POU3F3: variants seen among roughly 807,000 people sequenced by gnomAD.
The protein encoded by POU3F3 is POU class 3 homeobox 3.
In POU3F3, 1 loss-of-function variant was observed where a neutral mutation model predicts 8.6. That is an observed-to-expected ratio of 0.12 (90% CI 0.04 to 0.55). The LOEUF is 0.55. Ranked by LOEUF, POU3F3 falls within the 20% of genes least tolerant of loss-of-function variation. The pLI is 0.91. For synonymous variants in POU3F3, 418 were observed against 327.4 expected (o/e 1.28, Z -2.99); for missense variants, 577 against 690.7 (o/e 0.84, Z 1.84).
At chr2:104,872,180 G>T in the POU3F3 span, 1 of 452,576 alleles carries the variant, frequency 2.2e-6, no homozygotes, top group African/African-American at 2.0e-5. The surrounding 1 kb of genome is among the most constrained non-coding windows in gnomAD (Gnocchi z 4.6). Context: ...CCCTGCGCCC[G>T]CCGGCTGCGC....
the POU3F3 span, among the ~76,000 whole-genome samples, chr2:104,910,696 G>A: frequency 1.3e-5 from 2 of 152,082 alleles, no homozygotes; most frequent in African/African-American, 2.4e-5. Context: ...ATGGAAGAAT[G>A]GTTTCGAATT....
chr2:104,902,323 A>C, the POU3F3 span, among the ~76,000 whole-genome samples: 1 of 152,196 alleles, frequency 6.6e-6, no homozygotes, highest in African/African-American at 2.4e-5. Flanking sequence ...AAAACTGACC[A>C]GTGAAGAGGG....
chr2:104,922,064 A>T, the POU3F3 span, among the ~76,000 whole-genome samples: 1 of 152,340 alleles, frequency 6.6e-6, no homozygotes, highest in African/African-American at 2.4e-5. Context: ...GGATAGATGC[A>T]GGCCTTTAAA....
At chr2:104,893,284 C>T in the POU3F3 span, among the ~76,000 whole-genome samples, 1 of 152,276 alleles carries the variant, frequency 6.6e-6, no homozygotes, top group South Asian at 2.1e-4. Context: ...TGATGGATCC[C>T]TCGTCATTGG....
chr2:104,908,144 G>A, the POU3F3 span, among the ~76,000 whole-genome samples: 1 of 152,110 alleles, frequency 6.6e-6, no homozygotes, highest in Non-Finnish European at 1.5e-5. Flanking sequence ...TTCCTTCTGA[G>A]GTGAAGTCCA....
chr2:104,859,282 T>C (rs1186952378), downstream of POU3F3, among the ~76,000 whole-genome samples: 3 of 152,218 alleles, frequency 2.0e-5, no homozygotes, highest in African/African-American at 7.2e-5. Flanking sequence ...ATATCTTCTT[T>C]ACTGGTGCTG....
At chr2:104,863,021 G>A (rs999944802), downstream of POU3F3, among the ~76,000 whole-genome samples, 2 of 151,218 alleles carry the variant, frequency 1.3e-5, no homozygotes, top group Non-Finnish European at 2.9e-5. Context: ...TAATGGAGTT[G>A]TCTATCGGGG....
rs1005869845 is a variant in POU3F3, at chr2:104,855,290, G to A, written c.-221G>A. On this transcript the variant is annotated 5_prime_UTR_variant, in exon 1 of 1. Coordinates refer to ENST00000361360, the MANE Select transcript of POU3F3 (RefSeq NM_006236.3). ...GAGCGGCCTTGCAGCTGCAGCCGGG[G>A]GCCGCGGCGGCGGCGGCGGCGGCGG... Among the ~76,000 whole-genome samples the A allele has an allele frequency of 4.1e-5, 6 of 147,904 alleles. No individual in the cohort carries two copies. Among genetic ancestry groups the A allele is most frequent in the Admixed American group, 4.0e-4 (6 of 14,874 alleles).
At chr2:104,892,247 G>A in the POU3F3 span, among the ~76,000 whole-genome samples, 1 of 152,182 alleles carries the variant, frequency 6.6e-6, no homozygotes, top group Admixed American at 6.5e-5. Flanking sequence ...ATCACAGAGA[G>A]AGCAAGAGCA....
Position 104,855,024 on chromosome 2 carries a change from G to A in POU3F3, c.-487G>A, listed in dbSNP as rs1027960628. Among the ~76,000 whole-genome samples, 3 of 152,160 alleles carry A rather than the reference G, an allele frequency of 2.0e-5. No individual in the cohort carries two copies. The highest frequency in any genetic ancestry group is 6.5e-5 in the Admixed American group (1 of 15,288). On this transcript the variant is annotated 5_prime_UTR_variant, in exon 1 of 1. Transcript: ENST00000361360. ...AGAGTCCGGGCTCGCCCGAGGACAG[G>A]AGGAGGAGCGGGAGCCCGCGCGTCC...
the POU3F3 span, chr2:104,865,583 G>A: frequency 2.6e-5 from 4 of 152,168 alleles, no homozygotes; most frequent in Non-Finnish European, 5.9e-5. Context: ...TCCGCATAAG[G>A]CAAGCCCATT....
chr2:104,910,005 A>T, the POU3F3 span, among the ~76,000 whole-genome samples: 243 of 152,316 alleles, frequency 1.6e-3, 6 homozygotes, highest in East Asian at 0.04. Flanking sequence ...ATAAACAAGG[A>T]TAAAAAACGT....
Position 104,855,351 on chromosome 2 carries a change from GCGGCGGGGC to G in POU3F3, c.-151_-143del, listed in dbSNP as rs1352229056. ...GGCGGCGGAGGAGGAGGCGGCGAAGGCGGCGGGGCCGGCGGGGGCCCGGGGCGGGGGCGG... is the reference window on the plus strand; with the variant it reads ...GGCGGCGGAGGAGGAGGCGGCGAAGGCGGCGGGGGCCCGGGGCGGGGGCGG... On this transcript the variant is annotated 5_prime_UTR_variant, in exon 1 of 1. Coordinates refer to ENST00000361360, the MANE Select transcript of POU3F3 (RefSeq NM_006236.3). 7.1e-6 allele frequency among the ~76,000 whole-genome samples: 1 copy of G among 141,158 alleles called. No homozygotes were observed. Among genetic ancestry groups the G allele is most frequent in the Admixed American group, 6.9e-5 (1 of 14,390 alleles). 92.6% of individuals were successfully genotyped at this position (141,158 alleles called of 152,430 possible). A position where few individuals can be genotyped will look rare whatever the true frequency, so the allele number is the denominator to read the frequency against.
the POU3F3 span, among the ~76,000 whole-genome samples, chr2:104,895,269 T>C: frequency 2.0e-5 from 3 of 152,214 alleles, no homozygotes; most frequent in Non-Finnish European, 4.4e-5. Flanking sequence ...TCTTTTTAAA[T>C]CTTCACTACC....
At chr2:104,898,474 G>T in the POU3F3 span, among the ~76,000 whole-genome samples, 2 of 152,090 alleles carry the variant, frequency 1.3e-5, no homozygotes, top group Non-Finnish European at 2.9e-5. Flanking sequence ...AAGCTTAATG[G>T]CAATAATTAT....
chr2:104,881,846 C>T, the POU3F3 span, among the ~76,000 whole-genome samples: 2 of 152,166 alleles, frequency 1.3e-5, no homozygotes, highest in Non-Finnish European at 2.9e-5. Context: ...CTCCCTCGGC[C>T]TCAGACATGG....
the POU3F3 span, among the ~76,000 whole-genome samples, chr2:104,895,454 T>C: frequency 1.3e-5 from 2 of 152,200 alleles, no homozygotes; most frequent in East Asian, 3.9e-4. Flanking sequence ...TTCCGAAAAG[T>C]ACACTAAATT....
At chr2:104,865,884 C>T in the POU3F3 span, 1 of 152,120 alleles carries the variant, frequency 6.6e-6, no homozygotes, top group Non-Finnish European at 1.5e-5. Flanking sequence ...CACAGTATCA[C>T]CCAGAAACTA....
chr2:104,910,064 T>C, the POU3F3 span, among the ~76,000 whole-genome samples: 15 of 152,222 alleles, frequency 9.9e-5, no homozygotes, highest in African/African-American at 3.4e-4. Flanking sequence ...ATTTTTGTTA[T>C]TGTATAGATG....
Sources: allele counts gnomAD v4.1 joint callset (sites outside exome capture counted in the v4.1 genomes callset), GRCh38; gene constraint gnomAD v4.1.1; non-coding constraint Gnocchi (gnomAD v3.1); transcripts MANE v1.5; gene names NCBI Gene and HGNC (gene_info 2026-07-23, HGNC 2026-07-21).